PIEZO2: variants seen among roughly 807,000 people sequenced by gnomAD.
PIEZO2 encodes the protein piezo-type mechanosensitive ion channel component 2.
A neutral mutation model predicts 337.3 loss-of-function variants in PIEZO2; 172 were observed. That is an observed-to-expected ratio of 0.51 (90% CI 0.45 to 0.58). The LOEUF (loss-of-function observed/expected upper bound fraction) is 0.58. Ranked by LOEUF, PIEZO2 falls within the 20% of genes least tolerant of loss-of-function variation. The pLI, the probability that PIEZO2 is intolerant of heterozygous loss-of-function variation, is 0.00. For missense variants in PIEZO2, 3,028 were observed against 3,391.3 expected (o/e 0.89, Z 2.66); for synonymous variants, 1,251 against 1,228.5 (o/e 1.02, Z -0.38).
intron 36 of PIEZO2, among the ~76,000 whole-genome samples, chr18:10,720,507 G>A (rs112468246): frequency 0.033 from 4,361 of 133,162 alleles, 355 homozygotes; most frequent in African/African-American, 0.12. Flanking sequence ...GCCCAGGTTG[G>A]AGTGCAATGG....
intron 1 of PIEZO2, among the ~76,000 whole-genome samples, chr18:11,100,494 G>T (rs936908040): frequency 6.6e-6 from 1 of 152,126 alleles, no homozygotes; most frequent in Non-Finnish European, 1.5e-5. Context: ...TTTAAAAGAC[G>T]GCCTGCCCAT....
chr18:10,999,457 C>A (rs1014733194), intron 2 of PIEZO2, among the ~76,000 whole-genome samples: 1 of 152,118 alleles, frequency 6.6e-6, no homozygotes, highest in Non-Finnish European at 1.5e-5. Flanking sequence ...CATTCACAGA[C>A]CTTTTCTTTT....
rs1473927798 is a variant in PIEZO2, at chr18:10,943,251, A to G, written c.287-32023T>C. ...GCCATCCTGTAGACCCCAGAATGGTAGATCCACCAACAGCTTGCACCATGT... is the reference window on the plus strand; with the variant it reads ...GCCATCCTGTAGACCCCAGAATGGTGGATCCACCAACAGCTTGCACCATGT... On this transcript the variant is annotated intron_variant, in intron 3 of 55. Transcript: ENST00000674853. The surrounding 1 kb of genome is among the most constrained non-coding windows in gnomAD (Gnocchi z 4.5). Among the ~76,000 whole-genome samples the G allele has an allele frequency of 2.0e-5, 3 of 152,172 alleles. No individual in the cohort carries two copies. Among genetic ancestry groups the G allele is most frequent in the African/African-American group, 7.2e-5 (3 of 41,450 alleles).
intron 4 of PIEZO2, among the ~76,000 whole-genome samples, chr18:10,873,054 T>C (rs2042176810): frequency 6.6e-6 from 1 of 152,160 alleles, no homozygotes; most frequent in East Asian, 1.9e-4. Flanking sequence ...CATACACACA[T>C]ATATACATAT....
chr18:10,991,939 G>A (rs994698770), intron 2 of PIEZO2, among the ~76,000 whole-genome samples: 2 of 152,116 alleles, frequency 1.3e-5, no homozygotes, highest in South Asian at 2.1e-4. Context: ...GTGTGAGATG[G>A]TATCTCATTG....
At position 10,717,524 on chromosome 18, in the gene PIEZO2, C is replaced by T. The variant is rs181921909; in HGVS notation, c.5089+676G>A. On this transcript the variant is annotated intron_variant, in intron 37 of 55. Transcript: ENST00000674853. The stretch of plus-strand genomic sequence containing the variant: ...AACCGCATAGGCGCTCCAAAGCAGA[C>T]GAAGAAATGGCATGATTAGAGAGGG... 1.2e-4 allele frequency among the ~76,000 whole-genome samples: 18 copies of T among 152,354 alleles called. 1 individual carries two copies. In the East Asian group the frequency reaches 1.9e-3, roughly 16 times the overall value.
chr18:10,975,329 G>A (rs1444198185), intron 3 of PIEZO2, among the ~76,000 whole-genome samples: 1 of 152,090 alleles, frequency 6.6e-6, no homozygotes, highest in Non-Finnish European at 1.5e-5. Context: ...ATTGAAACCG[G>A]GTTTACATTT....
At chr18:11,039,519 TA>T (rs2037040581) in intron 2 of PIEZO2, among the ~76,000 whole-genome samples, 1 of 152,054 alleles carries the variant, frequency 6.6e-6, no homozygotes, top group Non-Finnish European at 1.5e-5. Context: ...ATATCCTGAA[TA>T]CTCCTTTCTC....
chr18:11,056,866 C>T (rs2037748882), intron 2 of PIEZO2, among the ~76,000 whole-genome samples: 1 of 152,168 alleles, frequency 6.6e-6, no homozygotes, highest in Non-Finnish European at 1.5e-5. Flanking sequence ...TGCAACAGAT[C>T]ATAAATTCTT....
chr18:10,951,336 T>C (rs2033288036), intron 3 of PIEZO2, among the ~76,000 whole-genome samples: 1 of 152,208 alleles, frequency 6.6e-6, no homozygotes, highest in South Asian at 2.1e-4. Context: ...ATTGCAATTC[T>C]TGTATCCCAA....
intron 2 of PIEZO2, among the ~76,000 whole-genome samples, chr18:11,036,167 TG>T (rs2036920127): frequency 6.6e-6 from 1 of 152,196 alleles, no homozygotes; most frequent in Non-Finnish European, 1.5e-5. Context: ...GTTCCTAAAT[TG>T]TATCTTATGC....
chr18:10,963,754 C>A (rs181292809), intron 3 of PIEZO2, among the ~76,000 whole-genome samples: 1 of 152,294 alleles, frequency 6.6e-6, no homozygotes, highest in Non-Finnish European at 1.5e-5. Flanking sequence ...TTATGCCTTA[C>A]TCTGAAATGA....
Position 11,112,451 on chromosome 18 carries a change from T to A in PIEZO2, c.64+36074A>T, listed in dbSNP as rs750852960. Reference sequence around the variant, plus strand: ...TAAGTGTCATGACCAAAATATGTACTCCAACTCCATCATTTATTTACATGG... The same window carrying A: ...TAAGTGTCATGACCAAAATATGTACACCAACTCCATCATTTATTTACATGG... On this transcript the variant is annotated intron_variant, in intron 1 of 55. Transcript: ENST00000674853. This position sits in a 1 kb window ranked among gnomAD's most constrained non-coding sequence, Gnocchi z 4.3. 2.6e-5 allele frequency among the ~76,000 whole-genome samples: 4 copies of A among 152,180 alleles called. No individual in the cohort carries two copies. The highest frequency in any genetic ancestry group is 4.4e-5 in the Non-Finnish European group (3 of 68,028).
rs906888223 is a variant in PIEZO2 at position 10,716,068 on chromosome 18, G to A, written c.5090-252C>T. Among the ~76,000 whole-genome samples, 1 of 152,196 alleles carries A rather than the reference G, an allele frequency of 6.6e-6. No individual in the cohort carries two copies. The highest frequency in any genetic ancestry group is 1.5e-5 in the Non-Finnish European group (1 of 68,040). On this transcript the variant is annotated intron_variant, in intron 37 of 55. Transcript: ENST00000674853. The surrounding 1 kb of genome is among the most constrained non-coding windows in gnomAD (Gnocchi z 4.1). ...TAATCTTTAGTGGAAACAGAAAGCA[G>A]GGCGGCTCCCTGTGCAGCTGACCCT...
Position 10,856,850 on chromosome 18 carries a change from G to T in PIEZO2, c.703+151C>A. The T allele has an allele frequency of 2.7e-6, 2 of 727,780 alleles. No homozygotes were observed. The allele number at this position is 727,780 out of a possible 1,614,324, so 45.1% of individuals were successfully genotyped here. A position where few individuals can be genotyped will look rare whatever the true frequency, so the allele number is the denominator to read the frequency against. On this transcript the variant is annotated intron_variant, in intron 6 of 55. Coordinates refer to ENST00000674853, the MANE Select transcript of PIEZO2 (RefSeq NM_001378183.1). The surrounding 1 kb of genome is among the most constrained non-coding windows in gnomAD (Gnocchi z 4.7). ...CCGGAAAAATTATTTTGTGTGGTTT[G>T]TACATGTGGCCAGTTTTACAAGAGC...
At chr18:11,108,512 G>A (rs1396055375) in intron 1 of PIEZO2, among the ~76,000 whole-genome samples, 3 of 151,440 alleles carry the variant, frequency 2.0e-5, no homozygotes, top group Non-Finnish European at 4.4e-5. Context: ...TACTCAGGAG[G>A]CTGAGGCAGG....
chr18:11,121,820 C>A (rs1157279369), intron 1 of PIEZO2, among the ~76,000 whole-genome samples: 1 of 152,192 alleles, frequency 6.6e-6, no homozygotes, highest in Non-Finnish European at 1.5e-5. Context: ...AATATAGGTG[C>A]ATTCAACCTC....
intron 3 of PIEZO2, among the ~76,000 whole-genome samples, chr18:10,975,477 G>A (rs1271637061): frequency 6.6e-6 from 1 of 151,440 alleles, no homozygotes. Context: ...TGGAAATGAG[G>A]GGAAAAAAAA....
intron 27 of PIEZO2, 54 bp downstream of exon 27, chr18:10,757,915 T>C: frequency 7.0e-7 from 1 of 1,437,904 alleles, no homozygotes; most frequent in East Asian, 2.5e-5. Context: ...AGGAGCAATG[T>C]AATGGAAATG....
Sources: gnomAD v4.1 joint callset for allele counts (sites outside exome capture counted in the v4.1 genomes callset) on GRCh38, gnomAD v4.1.1 for gene constraint, Gnocchi (gnomAD v3.1) non-coding constraint, MANE v1.5 for transcripts, NCBI Gene and HGNC (gene_info 2026-07-23, HGNC 2026-07-21) for gene names.